SMOC1: variants seen among roughly 807,000 people sequenced by gnomAD.
The protein encoded by SMOC1 is SPARC related modular calcium binding 1.
A neutral mutation model predicts 56.3 loss-of-function variants in SMOC1; 22 were observed. That is an observed-to-expected ratio of 0.39 (90% CI 0.28 to 0.56). The LOEUF is 0.56. Among genes scored for constraint, SMOC1 ranks in the 20% least tolerant of loss-of-function variants. SMOC1 has a pLI of 0.61. For synonymous variants in SMOC1, 193 were observed against 215.0 expected, an observed-to-expected ratio of 0.90 and a Z score of 0.89; for missense variants, 509 against 565.4, an observed-to-expected ratio of 0.90 and a Z score of 1.01.
intron 3 of SMOC1, among the ~76,000 whole-genome samples, chr14:69,960,763 G>A (rs930425925): frequency 2.0e-5 from 3 of 152,030 alleles, no homozygotes; most frequent in Non-Finnish European, 2.9e-5. Context: ...GCACATAATT[G>A]TTGCTTAGCA....
intron 1 of SMOC1, among the ~76,000 whole-genome samples, chr14:69,947,753 C>T (rs1413470226): frequency 2.0e-5 from 3 of 151,952 alleles, no homozygotes; most frequent in African/African-American, 4.8e-5. Context: ...TAAAATTAAA[C>T]GTAACTAAAT....
At chr14:69,903,034 C>T (rs1457665842) in intron 1 of SMOC1, among the ~76,000 whole-genome samples, 8 of 152,288 alleles carry the variant, frequency 5.3e-5, no homozygotes, top group Middle Eastern at 6.8e-3. Context: ...TCTGCCCAGC[C>T]GCCACCCCGT....
intron 5 of SMOC1, among the ~76,000 whole-genome samples, chr14:69,980,256 T>G (rs1884129190): frequency 6.6e-6 from 1 of 152,172 alleles, no homozygotes; most frequent in African/African-American, 2.4e-5. Flanking sequence ...AACTGAAGCC[T>G]TCATCTCAGA....
chr14:69,907,940 C>T (rs943829761), intron 1 of SMOC1, among the ~76,000 whole-genome samples: 1 of 152,204 alleles, frequency 6.6e-6, no homozygotes, highest in Non-Finnish European at 1.5e-5. Context: ...TTCATGAGGT[C>T]TTCCCCTATG....
chr14:70,029,964 C>T (rs921406306), intron 11 of SMOC1, among the ~76,000 whole-genome samples: 1 of 152,216 alleles, frequency 6.6e-6, no homozygotes, highest in Non-Finnish European at 1.5e-5. Flanking sequence ...CCACACTTCC[C>T]TAGGCCAAGC....
chr14:69,942,046 C>T (rs1882585762), intron 1 of SMOC1, among the ~76,000 whole-genome samples: 1 of 152,190 alleles, frequency 6.6e-6, no homozygotes, highest in South Asian at 2.1e-4. Context: ...CTCTCCTATC[C>T]TCTCTTTTCC....
chr14:70,000,845 A>G (rs1884941784), intron 7 of SMOC1, among the ~76,000 whole-genome samples: 2 of 152,202 alleles, frequency 1.3e-5, no homozygotes, highest in Admixed American at 1.3e-4. Context: ...ATGACACTTC[A>G]TCCCAGCAGC....
Position 69,975,599 on chromosome 14 carries a change from G to A in SMOC1, c.379-116G>A, listed in dbSNP as rs1017161499. 2.6e-5 allele frequency: 20 copies of A among 784,134 alleles called. No homozygotes were observed. In the Admixed American group the frequency reaches 3.7e-4, roughly 15 times the overall value. The allele number at this position is 784,134 out of a possible 1,614,324, so 48.6% of individuals were successfully genotyped here. ...ACACTCTGGAGACAGATGTGGGGAT[G>A]AGAGGTGGAAGATGCTCTTTCACCG... On this transcript the variant is annotated intron_variant, in intron 3 of 11. Coordinates refer to ENST00000361956, the MANE Select transcript of SMOC1 (RefSeq NM_001034852.3).
At position 69,909,982 on chromosome 14, in the gene SMOC1, A is replaced by G. The variant is rs1302416700; in HGVS notation, c.99+30205A>G. 4.6e-5 allele frequency among the ~76,000 whole-genome samples: 7 copies of G among 152,168 alleles called. 1 individual carries two copies. Among genetic ancestry groups the G allele is most frequent in the African/African-American group, 1.7e-4 (7 of 41,432 alleles). On this transcript the variant is annotated intron_variant, in intron 1 of 11. Coordinates refer to ENST00000361956, the MANE Select transcript of SMOC1 (RefSeq NM_001034852.3). ...GCTCACATGTCATTCACTCCTTTGAACCATGTTTCCTAACCTGGAGCAGAT... is the reference window on the plus strand; with the variant it reads ...GCTCACATGTCATTCACTCCTTTGAGCCATGTTTCCTAACCTGGAGCAGAT...
At chr14:69,893,859 T>C (rs1026629320) in intron 1 of SMOC1, among the ~76,000 whole-genome samples, 14 of 152,022 alleles carry the variant, frequency 9.2e-5, no homozygotes, top group African/African-American at 3.4e-4. Context: ...TTAAAATGAG[T>C]CTGTTACGGT....
At chr14:69,992,393 G>A (rs1264198017) in intron 5 of SMOC1, 24 bp from the exon 6 acceptor site, 6 of 1,613,484 alleles carry the variant, frequency 3.7e-6, no homozygotes, top group African/African-American at 1.3e-5. Context: ...GTCTCCTTTC[G>A]ATTCTTTTTA....
chr14:69,952,268 C>T lies in SMOC1; in HGVS notation c.230C>T (p.Pro77Leu), dbSNP rs143606483. 2.7e-3 allele frequency: 4,322 copies of T among 1,614,152 alleles called. 8 individuals are homozygous for T. Among genetic ancestry groups the T allele is most frequent in the Non-Finnish European group, 3.4e-3 (4,013 of 1,180,026 alleles). ...TACCAGCGAGCCAAGTGCCGAGACC[C>T]GACCCTGGGCGTGGTGCATCGAGGT... ...CEYQRAKCRD[P>L]TLGVVHRGRC... The change falls in exon 2 of 12, where the codon CCG becomes CTG. Residue 77 changes from proline to leucine, a missense_variant. This residue lies in a region of SMOC1 where 315 missense variants were observed against 333.1 expected (regional missense o/e 0.95). Transcript: ENST00000361956.
At chr14:69,881,798 T>C (rs1429191364) in intron 1 of SMOC1, among the ~76,000 whole-genome samples, 1 of 152,204 alleles carries the variant, frequency 6.6e-6, no homozygotes, top group East Asian at 1.9e-4. Flanking sequence ...CTACCACTTA[T>C]GAACATCTGG....
At chr14:69,961,345 C>A (rs1338344654) in intron 3 of SMOC1, among the ~76,000 whole-genome samples, 1 of 132,180 alleles carries the variant, frequency 7.6e-6, no homozygotes, top group Non-Finnish European at 1.6e-5. Flanking sequence ...CATTCATCAG[C>A]TGATGGACAT....
chr14:69,885,535 G>C (rs1054033657), intron 1 of SMOC1: 2 of 1,597,748 alleles, frequency 1.3e-6, no homozygotes, highest in African/African-American at 2.7e-5. Context: ...GTGTGAAGGC[G>C]ACAGTGGTGC....
intron 7 of SMOC1, among the ~76,000 whole-genome samples, chr14:70,001,171 G>C (rs1884955680): frequency 6.6e-6 from 1 of 152,092 alleles, no homozygotes. Flanking sequence ...TTGTTTAATT[G>C]TAAGACTGTG....
At chr14:70,003,830 T>C (rs1469204010) in intron 7 of SMOC1, among the ~76,000 whole-genome samples, 2 of 152,118 alleles carry the variant, frequency 1.3e-5, no homozygotes, top group Non-Finnish European at 2.9e-5. Context: ...ATCTCATGGT[T>C]TATTCTTTCT....
intron 1 of SMOC1, among the ~76,000 whole-genome samples, chr14:69,900,282 A>G (rs1176411816): frequency 6.6e-6 from 1 of 152,138 alleles, no homozygotes; most frequent in Non-Finnish European, 1.5e-5. Context: ...TGTGTGTGCC[A>G]TTTATTTCAT....
At chr14:69,934,500 G>A (rs940671378) in intron 1 of SMOC1, among the ~76,000 whole-genome samples, 1 of 152,192 alleles carries the variant, frequency 6.6e-6, no homozygotes, top group African/African-American at 2.4e-5. Context: ...AGCCAGATGG[G>A]GCAGGAAGGA....
Sources: gnomAD v4.1 joint callset for allele counts (sites outside exome capture counted in the v4.1 genomes callset) on GRCh38, gnomAD v4.1.1 for gene constraint, gnomAD v4.1.1 regional missense constraint, MANE v1.5 for transcripts, NCBI Gene and HGNC (gene_info 2026-07-23, HGNC 2026-07-21) for gene names.